DLC1: variants seen among roughly 807,000 people sequenced by gnomAD.
DLC1 encodes rho GTPase-activating protein 7.
Under a neutral mutation model 140.3 loss-of-function variants are expected in DLC1, and 54 were observed. The ratio of observed to expected loss-of-function variants is 0.38; its 90% CI spans 0.31 to 0.48. DLC1 has a LOEUF of 0.48. Ranked by LOEUF, DLC1 falls within the 20% of genes least tolerant of loss-of-function variation. DLC1 has a pLI of 0.96. For synonymous variants in DLC1, 986 were observed against 728.1 expected (o/e 1.35, Z -5.70); for missense variants, 2,536 against 1,907.0 (o/e 1.33, Z -6.14).
At chr8:13,236,723 C>A (rs932214760) in intron 5 of DLC1, among the ~76,000 whole-genome samples, 3 of 151,980 alleles carry the variant, frequency 2.0e-5, no homozygotes, top group Non-Finnish European at 4.4e-5. Flanking sequence ...TTGTGTGATA[C>A]GTAATGATTC....
At chr8:13,301,745 C>T (rs1178417217) in intron 5 of DLC1, among the ~76,000 whole-genome samples, 1 of 152,134 alleles carries the variant, frequency 6.6e-6, no homozygotes, top group African/African-American at 2.4e-5. Flanking sequence ...GGTGGGCAAG[C>T]GAACATTACC....
chr8:13,593,250 T>C (rs1175217019), intron 1 of DLC1, among the ~76,000 whole-genome samples: 1 of 152,164 alleles, frequency 6.6e-6, no homozygotes, highest in Non-Finnish European at 1.5e-5. Context: ...GGTTTCTTTA[T>C]CAGCATACCA....
rs976710676 is a variant in DLC1, at chr8:13,291,344, T to G, written c.1348+13925A>C. Among the ~76,000 whole-genome samples the G allele has an allele frequency of 3.3e-5, 5 of 152,344 alleles. 1 individual carries two copies. The highest frequency in any genetic ancestry group is 2.6e-4 in the Admixed American group (4 of 15,304). ...AGAATTCAGTGAAATCATGTTTGGA[T>G]AGTAAATATTTTTTGTTAATTATAT... On this transcript the variant is annotated intron_variant, in intron 5 of 17. Coordinates refer to ENST00000276297, the MANE Select transcript of DLC1 (RefSeq NM_182643.3).
chr8:13,185,483 AT>A (rs1453762585), intron 5 of DLC1, among the ~76,000 whole-genome samples: 1 of 151,430 alleles, frequency 6.6e-6, no homozygotes, highest in African/African-American at 2.4e-5. Context: ...AATTTTTTGT[AT>A]TTTTAGTAGA....
intron 1 of DLC1, chr8:13,536,124 G>T (rs141910557): frequency 6.6e-6 from 1 of 152,374 alleles, no homozygotes; most frequent in East Asian, 1.9e-4. Flanking sequence ...AAAGAATGGT[G>T]AACAGCAGCT....
intron 5 of DLC1, among the ~76,000 whole-genome samples, chr8:13,138,609 C>T (rs894975679): frequency 2.0e-5 from 3 of 152,104 alleles, no homozygotes; most frequent in Non-Finnish European, 2.9e-5. Flanking sequence ...AAAGGACATA[C>T]GACAAAGAAT....
chr8:13,096,111 C>T (rs574150635), intron 10 of DLC1: 7 of 152,276 alleles, frequency 4.6e-5, no homozygotes, highest in Admixed American at 4.6e-4. Flanking sequence ...CTGAACAGGA[C>T]CCGAAAGGGC....
At chr8:13,360,514 G>A (rs1359347910) in intron 4 of DLC1, among the ~76,000 whole-genome samples, 3 of 152,120 alleles carry the variant, frequency 2.0e-5, no homozygotes, top group African/African-American at 7.2e-5. Context: ...AAATACTGAT[G>A]CCTGGGTTTC....
chr8:13,443,683 A>G (rs1052023379), intron 2 of DLC1, among the ~76,000 whole-genome samples: 2 of 150,724 alleles, frequency 1.3e-5, no homozygotes, highest in East Asian at 2.0e-4. Context: ...AAAGAAAAAG[A>G]AAAAAACAGA....
chr8:13,560,845 A>G (rs1298410656), intron 1 of DLC1, among the ~76,000 whole-genome samples: 1 of 152,136 alleles, frequency 6.6e-6, no homozygotes, highest in Non-Finnish European at 1.5e-5. Flanking sequence ...GAAGACAGCC[A>G]TCTACCAGTC....
At chr8:13,523,045 G>T (rs1479473747) in intron 1 of DLC1, among the ~76,000 whole-genome samples, 2 of 152,208 alleles carry the variant, frequency 1.3e-5, no homozygotes, top group African/African-American at 4.8e-5. Flanking sequence ...GTAGTGTCTT[G>T]TAAGTAAGCA....
intron 7 of DLC1, among the ~76,000 whole-genome samples, chr8:13,105,503 C>T (rs982324931): frequency 6.6e-6 from 1 of 151,898 alleles, no homozygotes; most frequent in African/African-American, 2.4e-5. Flanking sequence ...AAATGGGGCT[C>T]AGGGAGGTCA....
At chr8:13,349,981 T>C (rs1834560127) in intron 4 of DLC1, among the ~76,000 whole-genome samples, 1 of 152,172 alleles carries the variant, frequency 6.6e-6, no homozygotes. Context: ...CAATGGGGGA[T>C]ATGGCTGGAG....
At chr8:13,376,890 T>C (rs1446697856) in intron 4 of DLC1, among the ~76,000 whole-genome samples, 1 of 152,186 alleles carries the variant, frequency 6.6e-6, no homozygotes, top group Non-Finnish European at 1.5e-5. Context: ...AATTGGTTAC[T>C]GTGGCTGATT....
At chr8:13,112,885 G>C (rs1212904153) in intron 6 of DLC1, among the ~76,000 whole-genome samples, 2 of 151,996 alleles carry the variant, frequency 1.3e-5, no homozygotes, top group Non-Finnish European at 1.5e-5. Flanking sequence ...TGAAATAACA[G>C]AGCTGATATT....
chr8:13,434,310 A>G (rs1464225147), intron 2 of DLC1, among the ~76,000 whole-genome samples: 1 of 152,240 alleles, frequency 6.6e-6, no homozygotes, highest in African/African-American at 2.4e-5. Context: ...TCTTTTTATC[A>G]GATAACTCTC....
At chr8:13,239,079 A>G (rs2117232704) in intron 5 of DLC1, among the ~76,000 whole-genome samples, 1 of 152,250 alleles carries the variant, frequency 6.6e-6, no homozygotes, top group East Asian at 1.9e-4. Context: ...CTTTATATAA[A>G]AAGGAGATTG....
chr8:13,486,728 T>A (rs62494118), intron 2 of DLC1, among the ~76,000 whole-genome samples: 376 of 24,006 alleles, frequency 0.016, 3 homozygotes, highest in Admixed American at 0.038. Flanking sequence ...AGATGACACC[T>A]AGCATGGTCC....
intron 5 of DLC1, among the ~76,000 whole-genome samples, chr8:13,142,309 T>G (rs1264895866): frequency 6.6e-6 from 1 of 152,202 alleles, no homozygotes; most frequent in Non-Finnish European, 1.5e-5. Flanking sequence ...TATTTGAGGA[T>G]TTATCAGTAG....
Sources: gnomAD v4.1 joint callset for allele counts (sites outside exome capture counted in the v4.1 genomes callset) on GRCh38, gnomAD v4.1.1 for gene constraint, MANE v1.5 for transcripts, NCBI Gene and HGNC (gene_info 2026-07-23, HGNC 2026-07-21) for gene names.